The following ACOXL variants were observed in gnomAD, a reference collection of about 807,000 sequenced individuals.
ACOXL encodes the protein acyl-coenzyme A oxidase-like protein.
ACOXL carries 70 observed loss-of-function variants against 71.9 expected under a neutral mutation model. The ratio of observed to expected loss-of-function variants is 0.97; its 90% CI spans 0.80 to 1.19. The LOEUF is 1.19. ACOXL is among the 50% of genes most tolerant of loss of function. ACOXL has a pLI of 0.00. For synonymous variants in ACOXL, 253 were observed against 281.6 expected (o/e 0.90, Z 1.02); for missense variants, 703 against 736.3 (o/e 0.95, Z 0.52).
intron 16 of ACOXL, among the ~76,000 whole-genome samples, chr2:111,064,454 A>AC (rs1223836881): frequency 7.6e-4 from 116 of 151,736 alleles, no homozygotes; most frequent in Admixed American, 2.6e-4. Flanking sequence ...AACAAAAAAA[A>AC]AACAACAACT....
At chr2:110,884,839 T>C (rs1483600693) in intron 10 of ACOXL, among the ~76,000 whole-genome samples, 1 of 152,078 alleles carries the variant, frequency 6.6e-6, no homozygotes, top group East Asian at 1.9e-4. Context: ...GTTTTTTCCG[T>C]TCAGCCCAAT....
At chr2:110,989,408 GTAT>G (rs1311251573) in intron 13 of ACOXL, among the ~76,000 whole-genome samples, 5 of 152,106 alleles carry the variant, frequency 3.3e-5, no homozygotes, top group South Asian at 2.1e-4. Flanking sequence ...TATTACTATA[GTAT>G]TATTATATCA....
intron 9 of ACOXL, among the ~76,000 whole-genome samples, chr2:110,838,872 G>C (rs940013505): frequency 3.9e-5 from 6 of 152,216 alleles, no homozygotes; most frequent in Non-Finnish European, 8.8e-5. Context: ...GTGTGCCCTT[G>C]CAGGTCCTGT....
intron 13 of ACOXL, among the ~76,000 whole-genome samples, chr2:110,991,534 A>G (rs1162793598): frequency 6.6e-6 from 1 of 151,936 alleles, no homozygotes; most frequent in African/African-American, 2.4e-5. Flanking sequence ...CCTCAAACCA[A>G]AAGTATTGAA....
chr2:110,841,636 CAAAAA>C (rs1348627900), intron 10 of ACOXL, among the ~76,000 whole-genome samples: 8 of 151,696 alleles, frequency 5.3e-5, no homozygotes, highest in Non-Finnish European at 1.0e-4. Flanking sequence ...TCAAAACAAA[CAAAAA>C]AAGGGATATT....
Position 111,044,087 on chromosome 2 carries a change from G to A in ACOXL, c.1370-5131G>A, listed in dbSNP as rs1439141288. On this transcript the variant is annotated intron_variant, in intron 15 of 17. Coordinates refer to ENST00000439055, the MANE Select transcript of ACOXL (RefSeq NM_001142807.4). The stretch of plus-strand genomic sequence containing the variant: ...TGACAAATGTAGCTTTGTTCATCCA[G>A]AAGGCCAGATTCGAATTTAGAATGC... Among the ~76,000 whole-genome samples the A allele has an allele frequency of 2.6e-5, 4 of 152,170 alleles. No homozygotes were observed. In the East Asian group the frequency reaches 5.8e-4, roughly 22 times the overall value.
At chr2:110,767,723 A>T (rs1041128253) in intron 1 of ACOXL, among the ~76,000 whole-genome samples, 11 of 152,062 alleles carry the variant, frequency 7.2e-5, no homozygotes, top group Non-Finnish European at 1.5e-4. Context: ...TATCTCCCAA[A>T]TGCTGCTTTT....
intron 9 of ACOXL, among the ~76,000 whole-genome samples, chr2:110,823,081 C>T (rs1221443671): frequency 6.6e-6 from 1 of 152,022 alleles, no homozygotes; most frequent in African/African-American, 2.4e-5. Context: ...GGTGAAACCC[C>T]ATCTCTACTA....
chr2:110,963,907 T>A (rs1047346755), intron 12 of ACOXL, among the ~76,000 whole-genome samples: 5 of 152,190 alleles, frequency 3.3e-5, no homozygotes, highest in Non-Finnish European at 5.9e-5. Context: ...TTTTATCTTT[T>A]TGGTTTAAGA....
At chr2:110,973,456 C>T (rs751984152) in intron 12 of ACOXL, among the ~76,000 whole-genome samples, 2 of 152,114 alleles carry the variant, frequency 1.3e-5, no homozygotes, top group Non-Finnish European at 2.9e-5. Flanking sequence ...GCTTCCTTGC[C>T]TCTTACACCA....
At chr2:110,801,843 G>T (rs552154280) in intron 8 of ACOXL, 119 bp downstream of exon 8, 10 of 766,232 alleles carry the variant, frequency 1.3e-5, no homozygotes, top group Non-Finnish European at 2.2e-5. Context: ...CTAACCACCC[G>T]TACAGGTTTG....
At chr2:110,826,140 A>G (rs984652796) in intron 9 of ACOXL, among the ~76,000 whole-genome samples, 1 of 152,206 alleles carries the variant, frequency 6.6e-6, no homozygotes, top group Non-Finnish European at 1.5e-5. Flanking sequence ...GGATAAAAAT[A>G]TAGCACATTA....
chr2:111,026,453 C>A (rs750561215), intron 14 of ACOXL, among the ~76,000 whole-genome samples: 3 of 150,690 alleles, frequency 2.0e-5, no homozygotes, highest in Non-Finnish European at 4.4e-5. Flanking sequence ...TTTAAAATTT[C>A]GTTCTGTGAA....
intron 11 of ACOXL, among the ~76,000 whole-genome samples, chr2:110,910,191 A>G (rs2059601569): frequency 6.6e-6 from 1 of 152,098 alleles, no homozygotes; most frequent in African/African-American, 2.4e-5. Flanking sequence ...TCTATTCCCA[A>G]TAGCTTAGTT....
chr2:110,926,037 G>A (rs2149312805), intron 11 of ACOXL, among the ~76,000 whole-genome samples: 1 of 152,118 alleles, frequency 6.6e-6, no homozygotes, highest in South Asian at 2.1e-4. Context: ...GCAGGTCAGT[G>A]GAGCAGTCAG....
chr2:110,982,383 C>T (rs1254666340), intron 12 of ACOXL, among the ~76,000 whole-genome samples: 2 of 152,052 alleles, frequency 1.3e-5, no homozygotes, highest in African/African-American at 4.8e-5. Flanking sequence ...CTCCTCTCGT[C>T]TCTCCCCTCT....
At chr2:110,943,173 G>A (rs1241597518) in intron 12 of ACOXL, among the ~76,000 whole-genome samples, 1 of 143,646 alleles carries the variant, frequency 7.0e-6, no homozygotes, top group Non-Finnish European at 1.5e-5. Context: ...AAAAAGGGAG[G>A]GAGGGAAAGA....
Position 110,797,190 on chromosome 2 carries a change from G to T in ACOXL, c.346-1420G>T, listed in dbSNP as rs560672170. ...TCCACTATCGGCTTCCAGAGAGTAGGACAGAGAAGACGGAGTTTTGAGCCG... is the reference window on the plus strand; with the variant it reads ...TCCACTATCGGCTTCCAGAGAGTAGTACAGAGAAGACGGAGTTTTGAGCCG... On this transcript the variant is annotated intron_variant, in intron 5 of 17. Coordinates refer to ENST00000439055, the MANE Select transcript of ACOXL (RefSeq NM_001142807.4). 5.3e-5 allele frequency among the ~76,000 whole-genome samples: 8 copies of T among 152,316 alleles called. No individual in the cohort carries two copies. The South Asian group carries it at 1.7e-3, about 32-fold the overall frequency.
At chr2:110,893,180 A>G (rs1229452910) in intron 10 of ACOXL, among the ~76,000 whole-genome samples, 1 of 152,234 alleles carries the variant, frequency 6.6e-6, no homozygotes, top group Non-Finnish European at 1.5e-5. Context: ...GCAAAGCTAA[A>G]ACTATGTCAC....
Sources: gnomAD v4.1 joint callset for allele counts (sites outside exome capture counted in the v4.1 genomes callset) on GRCh38, gnomAD v4.1.1 for gene constraint, MANE v1.5 for transcripts, NCBI Gene and HGNC (gene_info 2026-07-23, HGNC 2026-07-21) for gene names.